The following BTBD9 variants were observed in gnomAD, a reference collection of about 807,000 sequenced individuals.
BTBD9 encodes BTB domain containing 9.
A neutral mutation model predicts 64.3 loss-of-function variants in BTBD9; 49 were observed. The ratio of observed to expected loss-of-function variants is 0.76; its 90% CI spans 0.61 to 0.97. The LOEUF (loss-of-function observed/expected upper bound fraction) is 0.97. Among genes scored for constraint, BTBD9 ranks in the 50% least tolerant of loss-of-function variants. BTBD9 has a pLI of 0.00. For missense variants in BTBD9, 598 were observed against 762.1 expected (o/e 0.78, Z 2.53); for synonymous variants, 260 against 274.7 (o/e 0.95, Z 0.53).
intron 7 of BTBD9, among the ~76,000 whole-genome samples, chr6:38,340,999 A>G (rs547976498): frequency 1.4e-4 from 21 of 152,350 alleles, no homozygotes; most frequent in South Asian, 1.0e-3. Context: ...CGGAAATTCA[A>G]TGGCCAAAAT....
intron 10 of BTBD9, among the ~76,000 whole-genome samples, chr6:38,191,745 G>A (rs1251370572): frequency 6.6e-6 from 1 of 152,240 alleles, no homozygotes; most frequent in Non-Finnish European, 1.5e-5. Flanking sequence ...GAGAGCTCAT[G>A]GCAGGAAGGT....
chr6:38,174,890 A>G lies in BTBD9; in HGVS notation c.*95T>C. The G allele has an allele frequency of 7.0e-7, 1 of 1,428,818 alleles. No individual in the cohort carries two copies. The highest frequency in any genetic ancestry group is 9.6e-7 in the Non-Finnish European group (1 of 1,045,696). The allele number at this position is 1,428,818 out of a possible 1,614,324, so 88.5% of individuals were successfully genotyped here. A position where few individuals can be genotyped will look rare whatever the true frequency, so the allele number is the denominator to read the frequency against. The stretch of plus-strand genomic sequence containing the variant: ...TCGGCTCCTCCCTGGAAAGGGGCAG[A>G]GGTGGGGGCAGTCAACAGAGACCCC... On this transcript the variant is annotated 3_prime_UTR_variant, in exon 11 of 11. Transcript: ENST00000481247.
chr6:38,224,065 T>C (rs188384330), intron 9 of BTBD9, among the ~76,000 whole-genome samples: 1 of 152,200 alleles, frequency 6.6e-6, no homozygotes, highest in African/African-American at 2.4e-5. Context: ...ATACAAAAAT[T>C]AGCAAGGTGA....
At chr6:38,372,382 C>T (rs1765462133) in intron 6 of BTBD9, among the ~76,000 whole-genome samples, 1 of 152,260 alleles carries the variant, frequency 6.6e-6, no homozygotes, top group South Asian at 2.1e-4. Flanking sequence ...CAGGCTATTT[C>T]TGCAGCTGTG....
Position 38,410,838 on chromosome 6 carries a change from G to A in BTBD9, c.1155-65745C>T, listed in dbSNP as rs182481764. On this transcript the variant is annotated intron_variant, in intron 6 of 10. Transcript: ENST00000481247. ...AGCCTGGGAGTTCAAGACCAGCCTG[G>A]GTAACATAGTGAGACCCTGTCTCTA... Among the ~76,000 whole-genome samples, 266 of 152,064 alleles carry A rather than the reference G, an allele frequency of 1.7e-3. 5 individuals are homozygous for A. The highest frequency in any genetic ancestry group is 5.7e-4 in the Non-Finnish European group (39 of 67,982).
chr6:38,622,900 C>A (rs1339355004), intron 1 of BTBD9, among the ~76,000 whole-genome samples: 2 of 152,196 alleles, frequency 1.3e-5, no homozygotes, highest in Non-Finnish European at 2.9e-5. Flanking sequence ...GCAATCCCTG[C>A]AGCAGCACCC....
intron 2 of BTBD9, chr6:38,596,196 A>C (rs1407838275): frequency 2.9e-6 from 1 of 347,224 alleles, no homozygotes; most frequent in African/African-American, 2.2e-5. Context: ...GCTCTAAGGT[A>C]GACTTAGAGG....
chr6:38,409,776 A>T (rs909879453), intron 6 of BTBD9, among the ~76,000 whole-genome samples: 3 of 152,188 alleles, frequency 2.0e-5, no homozygotes, highest in Non-Finnish European at 4.4e-5. Flanking sequence ...GTGAGCCGAG[A>T]TCATGCCACT....
intron 6 of BTBD9, among the ~76,000 whole-genome samples, chr6:38,526,615 T>C (rs770559584): frequency 3.8e-4 from 58 of 152,178 alleles, no homozygotes; most frequent in Non-Finnish European, 1.2e-4. Context: ...GAAGGAGCTG[T>C]CCAAGACTGT....
rs117453811 is a variant in BTBD9 at position 38,283,985 on chromosome 6, A to T, written c.1454+4287T>A. Among the ~76,000 whole-genome samples the T allele has an allele frequency of 2.1e-3, 327 of 152,284 alleles. 6 individuals carry two copies. In the East Asian group the frequency reaches 0.033, roughly 15 times the overall value. ...AATAAATGTCTATCTGGCCACATCA[A>T]CTGTCGCTAACTGAAGCCTGCCAAG... On this transcript the variant is annotated intron_variant, in intron 8 of 10. Transcript: ENST00000481247.
At chr6:38,527,932 C>T (rs1773582281) in intron 6 of BTBD9, among the ~76,000 whole-genome samples, 1 of 151,790 alleles carries the variant, frequency 6.6e-6, no homozygotes. Flanking sequence ...CAACTATCCA[C>T]ATAAAAAAAG....
rs578093407 is a variant in BTBD9, at chr6:38,468,005, T to C, written c.1154+109595A>G. 5.3e-5 allele frequency among the ~76,000 whole-genome samples: 8 copies of C among 152,350 alleles called. No individual in the cohort carries two copies. The East Asian group carries it at 1.5e-3, about 29-fold the overall frequency. On this transcript the variant is annotated intron_variant, in intron 6 of 10. Coordinates refer to ENST00000481247, the MANE Select transcript of BTBD9 (RefSeq NM_001099272.2). Reference sequence around the variant, plus strand: ...AAAGTGGCTCTACCTTTGTTTTTTATAGGTAATTCCAATAGAATTTCTGAA... The same window carrying C: ...AAAGTGGCTCTACCTTTGTTTTTTACAGGTAATTCCAATAGAATTTCTGAA...
intron 6 of BTBD9, among the ~76,000 whole-genome samples, chr6:38,490,770 T>G (rs959480199): frequency 6.6e-6 from 1 of 152,206 alleles, no homozygotes; most frequent in African/African-American, 2.4e-5. Context: ...AACGAATGTC[T>G]GACAGGAGAA....
chr6:38,218,299 A>C (rs966984264), intron 9 of BTBD9, among the ~76,000 whole-genome samples: 1 of 152,236 alleles, frequency 6.6e-6, no homozygotes, highest in African/African-American at 2.4e-5. Context: ...TTAGCTTTGT[A>C]CTAAAGCAGA....
intron 8 of BTBD9, among the ~76,000 whole-genome samples, chr6:38,287,879 C>A (rs1761808082): frequency 6.6e-6 from 1 of 152,194 alleles, no homozygotes; most frequent in African/African-American, 2.4e-5. Context: ...TTATTCAAAA[C>A]CAGATCTCGA....
At chr6:38,394,966 G>GA (rs11381822) in intron 6 of BTBD9, among the ~76,000 whole-genome samples, 55,522 of 148,168 alleles carry the variant, frequency 0.37, 12,499 homozygotes, top group East Asian at 0.82. Context: ...AAAGAGAGGG[G>GA]AAAAAAAAAA....
At chr6:38,526,019 C>A (rs1334798576) in intron 6 of BTBD9, among the ~76,000 whole-genome samples, 10 of 152,148 alleles carry the variant, frequency 6.6e-5, no homozygotes, top group Non-Finnish European at 8.8e-5. Context: ...TAAAGAAGAG[C>A]AAATGTTAAT....
chr6:38,224,741 T>C (rs919633047), intron 9 of BTBD9, among the ~76,000 whole-genome samples: 1 of 152,248 alleles, frequency 6.6e-6, no homozygotes, highest in Non-Finnish European at 1.5e-5. Context: ...TTTCCACTTC[T>C]AATTTTCATA....
At chr6:38,579,934 T>C (rs1776214241) in intron 5 of BTBD9, among the ~76,000 whole-genome samples, 1 of 152,248 alleles carries the variant, frequency 6.6e-6, no homozygotes, top group Admixed American at 6.5e-5. Context: ...AGATTAATAA[T>C]GGGTAATGAG....
Sources: gnomAD v4.1 joint callset for allele counts (sites outside exome capture counted in the v4.1 genomes callset) on GRCh38, gnomAD v4.1.1 for gene constraint, MANE v1.5 for transcripts, NCBI Gene and HGNC (gene_info 2026-07-23, HGNC 2026-07-21) for gene names.